The following SPATS2 variants were observed in gnomAD, a reference collection of about 807,000 sequenced individuals.
SPATS2 encodes the protein spermatogenesis-associated serine-rich protein 2.
In SPATS2, 38 loss-of-function variants were observed where a neutral mutation model predicts 63.7. The ratio of observed to expected loss-of-function variants is 0.60; its 90% confidence interval spans 0.46 to 0.78. The LOEUF (loss-of-function observed/expected upper bound fraction) is 0.78. Ranked by LOEUF, SPATS2 falls within the 30% of genes least tolerant of loss-of-function variation. The pLI is 0.00. For missense variants in SPATS2, 588 were observed against 666.2 expected (o/e 0.88, Z 1.29); for synonymous variants, 207 against 232.9 (o/e 0.89, Z 1.01).
At chr12:49,385,055 C>T (rs755625511) in intron 2 of SPATS2, among the ~76,000 whole-genome samples, 8 of 151,910 alleles carry the variant, frequency 5.3e-5, no homozygotes, top group Middle Eastern at 3.2e-3. Flanking sequence ...GTGATTTGCC[C>T]GCCTCAGCCT....
intron 1 of SPATS2, among the ~76,000 whole-genome samples, chr12:49,368,627 A>T (rs1268208217): frequency 6.6e-6 from 1 of 152,170 alleles, no homozygotes; most frequent in Non-Finnish European, 1.5e-5. Flanking sequence ...TTATTTCTTG[A>T]TGTTAACTTC....
intron 3 of SPATS2, among the ~76,000 whole-genome samples, chr12:49,478,188 A>G (rs545105916): frequency 1.6e-4 from 24 of 152,056 alleles, no homozygotes; most frequent in South Asian, 8.3e-4. Flanking sequence ...TGTGTTGCCC[A>G]GGCAGGTCTC....
At chr12:49,387,363 G>T (rs979265359) in intron 2 of SPATS2, among the ~76,000 whole-genome samples, 1 of 151,864 alleles carries the variant, frequency 6.6e-6, no homozygotes, top group Non-Finnish European at 1.5e-5. Flanking sequence ...GAGGCCAGGC[G>T]TGGTGGCTCA....
At chr12:49,503,868 A>G (rs1429622186) in intron 9 of SPATS2, among the ~76,000 whole-genome samples, 1 of 152,168 alleles carries the variant, frequency 6.6e-6, no homozygotes, top group Non-Finnish European at 1.5e-5. Context: ...CTCCTTCAAT[A>G]AATGACAAAT....
intron 2 of SPATS2, among the ~76,000 whole-genome samples, chr12:49,438,715 A>C (rs1945361827): frequency 6.6e-6 from 1 of 152,236 alleles, no homozygotes; most frequent in African/African-American, 2.4e-5. Flanking sequence ...TATACAGCAA[A>C]ATGCACACAT....
intron 4 of SPATS2, chr12:49,486,338 TG>T: frequency 2.5e-6 from 1 of 397,372 alleles, no homozygotes; most frequent in Non-Finnish European, 5.0e-6. Flanking sequence ...CCCGTGTAGC[TG>T]GGGATACAGG....
intron 9 of SPATS2, among the ~76,000 whole-genome samples, chr12:49,507,144 T>C (rs1946667649): frequency 6.6e-6 from 1 of 152,220 alleles, no homozygotes; most frequent in African/African-American, 2.4e-5. Context: ...AAATCACTAT[T>C]ATTCTTAAGT....
At chr12:49,448,334 T>A (rs2137593309) in intron 2 of SPATS2, among the ~76,000 whole-genome samples, 1 of 151,032 alleles carries the variant, frequency 6.6e-6, no homozygotes, top group East Asian at 2.0e-4. Flanking sequence ...AGAAACGGGG[T>A]TTCACCGTGT....
intron 2 of SPATS2, among the ~76,000 whole-genome samples, chr12:49,400,529 A>G (rs1011505890): frequency 6.6e-6 from 1 of 152,116 alleles, no homozygotes; most frequent in Non-Finnish European, 1.5e-5. Context: ...TGACTAGGCA[A>G]TAGGGTTTGG....
intron 2 of SPATS2, among the ~76,000 whole-genome samples, chr12:49,416,471 T>TTTTTATTTTATTTTATTTTA (rs141815202): frequency 2.7e-5 from 4 of 150,916 alleles, no homozygotes; most frequent in African/African-American, 9.8e-5. Flanking sequence ...TTTTATCACC[T>TTTTTATTTTATTTTATTTTA]TTTTATTTTA....
chr12:49,416,391 G>T (rs1944889878), intron 2 of SPATS2, among the ~76,000 whole-genome samples: 1 of 152,190 alleles, frequency 6.6e-6, no homozygotes, highest in South Asian at 2.1e-4. Flanking sequence ...CTCTAACCCT[G>T]TGAGGCTTAC....
chr12:49,430,293 T>C (rs1258891388), intron 2 of SPATS2, among the ~76,000 whole-genome samples: 2 of 145,230 alleles, frequency 1.4e-5, no homozygotes, highest in Admixed American at 6.8e-5. Flanking sequence ...GTAGAGATGG[T>C]GTTTCACTAT....
In SPATS2 at chr12:49,491,483, G is replaced by C. The variant is rs373432113; in HGVS notation, c.264+752G>C. On this transcript the variant is annotated intron_variant, in intron 6 of 13. Coordinates refer to ENST00000552918, the MANE Select transcript of SPATS2 (RefSeq NM_023071.4). ...TAATCCCAGCACTTTGGGAGGCTGA[G>C]GTGGGAGGATCACTTGCGCCCAGGA... Among the ~76,000 whole-genome samples, 69 of 152,228 alleles carry C rather than the reference G, an allele frequency of 4.5e-4. No homozygotes were observed. The South Asian group carries it at 0.012, about 26-fold the overall frequency.
At position 49,476,374 on chromosome 12, in the gene SPATS2, C is replaced by G. The variant is rs543369979; in HGVS notation, c.26-8216C>G. Among the ~76,000 whole-genome samples, 3 of 152,244 alleles carry G rather than the reference C, an allele frequency of 2.0e-5. No individual in the cohort carries two copies. The South Asian group carries it at 6.2e-4, about 32-fold the overall frequency. On this transcript the variant is annotated intron_variant, in intron 3 of 13. Transcript: ENST00000552918. The stretch of plus-strand genomic sequence containing the variant: ...TCTCCCTTCTGGCTCCCCCATCTGC[C>G]GAGAGCTACTTCCACTCAATAAAAC...
intron 8 of SPATS2, among the ~76,000 whole-genome samples, chr12:49,498,278 A>C (rs1023741007): frequency 5.9e-5 from 9 of 151,882 alleles, no homozygotes; most frequent in South Asian, 2.1e-4. Flanking sequence ...GCATAGTTAC[A>C]AACTTTTTAG....
intron 5 of SPATS2, 120 bp downstream of exon 5, chr12:49,489,693 A>G (rs1040856555): frequency 2.6e-5 from 19 of 719,364 alleles, no homozygotes; most frequent in African/African-American, 8.9e-5. Flanking sequence ...CCATGAAAAC[A>G]TAACATACCA....
intron 3 of SPATS2, among the ~76,000 whole-genome samples, chr12:49,468,085 C>T (rs1945958034): frequency 6.6e-6 from 1 of 150,672 alleles, no homozygotes. Context: ...TCTCTCTTCT[C>T]TTCTCCTTTT....
intron 9 of SPATS2, among the ~76,000 whole-genome samples, chr12:49,511,095 GGA>G (rs1490310367): frequency 1.3e-5 from 2 of 152,054 alleles, no homozygotes; most frequent in African/African-American, 4.8e-5. Context: ...CAGCTACTTG[GGA>G]GGCTGAGGCA....
At chr12:49,462,285 G>A (rs566695815) in intron 3 of SPATS2, 43 of 702,358 alleles carry the variant, frequency 6.1e-5, no homozygotes, top group African/African-American at 3.7e-4. Flanking sequence ...GAAGGAGAGC[G>A]CGAGTGAACA....
Sources: allele counts gnomAD v4.1 joint callset (sites outside exome capture counted in the v4.1 genomes callset), GRCh38; gene constraint gnomAD v4.1.1; transcripts MANE v1.5; gene names NCBI Gene and HGNC (gene_info 2026-07-23, HGNC 2026-07-21).